The following MTUS2 variants were observed in gnomAD, a reference collection of about 807,000 sequenced individuals.
MTUS2 encodes microtubule-associated tumor suppressor candidate 2.
A neutral mutation model predicts 114.1 loss-of-function variants in MTUS2; 40 were observed. The ratio of observed to expected loss-of-function variants is 0.35; its 90% CI spans 0.27 to 0.46. The LOEUF (loss-of-function observed/expected upper bound fraction) is 0.46, where lower values mean the gene tolerates loss of function less well. Ranked by LOEUF, MTUS2 falls within the 20% of genes least tolerant of loss-of-function variation. The pLI is 1.00. For synonymous variants in MTUS2, 688 were observed against 672.0 expected (o/e 1.02, Z -0.37); for missense variants, 1,679 against 1,705.4 (o/e 0.98, Z 0.27).
At position 29,345,796 on chromosome 13, in the gene MTUS2, AGATTT is replaced by A. The variant is rs200504517; in HGVS notation, c.2906-13464_2906-13460del. The stretch of plus-strand genomic sequence containing the variant: ...ATTTGGGTAGCCTATGTCAGAGGGA[AGATTT>A]GGGGCTGAAGGGCTATTGTTCAGAT... On this transcript the variant is annotated intron_variant, in intron 7 of 15. Coordinates refer to ENST00000612955, the MANE Select transcript of MTUS2 (RefSeq NM_001033602.4). Among the ~76,000 whole-genome samples, 181 of 152,208 alleles carry A rather than the reference AGATTT, an allele frequency of 1.2e-3. 5 individuals are homozygous for A. In the East Asian group the frequency reaches 0.032, roughly 27 times the overall value.
Position 29,238,188 on chromosome 13 carries a change from A to T in MTUS2, c.2645-43516A>T, listed in dbSNP as rs530992785. ...ATGTCCATTGACAGATACGTGAATT[A>T]AAAAATATAGCATACAATGGAATGT... On this transcript the variant is annotated intron_variant, in intron 5 of 15. Transcript: ENST00000612955. Among the ~76,000 whole-genome samples the T allele has an allele frequency of 3.2e-4, 48 of 152,370 alleles. 1 individual carries two copies. The South Asian group carries it at 9.9e-3, about 32-fold the overall frequency.
At chr13:29,317,145 C>T (rs1219250415) in intron 6 of MTUS2, among the ~76,000 whole-genome samples, 1 of 152,124 alleles carries the variant, frequency 6.6e-6, no homozygotes, top group Non-Finnish European at 1.5e-5. Flanking sequence ...TTTTTCTAGG[C>T]CTCTATTTGA....
chr13:29,355,276 G>A (rs1869643594), intron 7 of MTUS2, among the ~76,000 whole-genome samples: 1 of 152,214 alleles, frequency 6.6e-6, no homozygotes, highest in Non-Finnish European at 1.5e-5. Context: ...TGCTGTAGAA[G>A]GTCACCAGCT....
intron 6 of MTUS2, among the ~76,000 whole-genome samples, chr13:29,309,093 T>C (rs1208515462): frequency 6.6e-6 from 1 of 152,194 alleles, no homozygotes. Context: ...CCCAAAGGAA[T>C]ATAAATCATT....
At chr13:29,247,602 C>A (rs1044871487) in intron 5 of MTUS2, among the ~76,000 whole-genome samples, 2 of 152,162 alleles carry the variant, frequency 1.3e-5, no homozygotes, top group Admixed American at 6.5e-5. Flanking sequence ...CATAAATAGA[C>A]AATTCCCAAA....
chr13:29,088,007 T>C (rs1266681837), intron 4 of MTUS2, among the ~76,000 whole-genome samples: 1 of 145,860 alleles, frequency 6.9e-6, no homozygotes, highest in Non-Finnish European at 1.5e-5. Flanking sequence ...TGCAGTGGGC[T>C]GAGATCATGC....
At chr13:29,042,082 G>C (rs1470321655) in intron 4 of MTUS2, among the ~76,000 whole-genome samples, 1 of 152,148 alleles carries the variant, frequency 6.6e-6, no homozygotes, top group Non-Finnish European at 1.5e-5. Context: ...TCCCCATTCA[G>C]TATAATGTTG....
At position 28,903,429 on chromosome 13, in the gene MTUS2, A is replaced by G. The variant is rs541099232; in HGVS notation, c.-243+63579A>G. Among the ~76,000 whole-genome samples the G allele has an allele frequency of 5.9e-3, 592 of 100,518 alleles. 3 individuals are homozygous for G. Among genetic ancestry groups the G allele is most frequent in the Admixed American group, 0.011 (79 of 7,438 alleles). The allele number at this position is 100,518 out of a possible 152,430, so 65.9% of individuals were successfully genotyped here. Reference sequence around the variant, plus strand: ...CCCTCCCCCCTCCCCCCACCCCACAACAGGCCCTGGTGTGTGATGTTCCCC... The same window carrying G: ...CCCTCCCCCCTCCCCCCACCCCACAGCAGGCCCTGGTGTGTGATGTTCCCC... On this transcript the variant is annotated intron_variant, in intron 2 of 15. Transcript: ENST00000612955.
intron 8 of MTUS2, among the ~76,000 whole-genome samples, chr13:29,376,029 ATATATATATATGTG>A (rs1566164240): frequency 0.022 from 271 of 12,164 alleles, 1 homozygote; most frequent in Admixed American, 0.055. Context: ...ATGTGTGTGT[ATATATATATATGTG>A]TGTGTGTGTG....
At chr13:28,831,798 T>C (rs1471885333) in intron 1 of MTUS2, among the ~76,000 whole-genome samples, 6 of 151,196 alleles carry the variant, frequency 4.0e-5, no homozygotes, top group Non-Finnish European at 8.9e-5. Flanking sequence ...ACTCTGCTGC[T>C]CAGGCTGGAG....
intron 2 of MTUS2, among the ~76,000 whole-genome samples, chr13:28,846,925 T>A (rs1483699093): frequency 2.0e-5 from 3 of 152,230 alleles, no homozygotes; most frequent in African/African-American, 7.2e-5. Context: ...AGTGGTGTAA[T>A]CCATGTCTTA....
intron 7 of MTUS2, among the ~76,000 whole-genome samples, chr13:29,345,775 G>A (rs1868614396): frequency 6.6e-6 from 1 of 152,038 alleles, no homozygotes; most frequent in Admixed American, 6.6e-5. Context: ...TTTCTCATTT[G>A]GGTAGCCTAT....
intron 8 of MTUS2, among the ~76,000 whole-genome samples, chr13:29,369,197 C>A (rs781146848): frequency 1.3e-5 from 2 of 152,124 alleles, no homozygotes; most frequent in Admixed American, 1.3e-4. Flanking sequence ...GTAAGGACAA[C>A]CAGCTTTTCC....
At chr13:28,932,332 G>A (rs1881663807) in intron 2 of MTUS2, among the ~76,000 whole-genome samples, 1 of 152,176 alleles carries the variant, frequency 6.6e-6, no homozygotes, top group African/African-American at 2.4e-5. Context: ...TGTAAGTAAT[G>A]CAGGGATAAT....
chr13:29,294,617 G>A (rs1418268157), intron 6 of MTUS2, among the ~76,000 whole-genome samples: 1 of 152,070 alleles, frequency 6.6e-6, no homozygotes, highest in Non-Finnish European at 1.5e-5. Context: ...TTCACCAAAG[G>A]GAAAAAGCTC....
intron 5 of MTUS2, among the ~76,000 whole-genome samples, chr13:29,186,055 TA>T (rs999151236): frequency 6.6e-6 from 1 of 151,830 alleles, no homozygotes; most frequent in African/African-American, 2.4e-5. Flanking sequence ...TGCTAAAAGT[TA>T]AAAAAAACTT....
intron 7 of MTUS2, among the ~76,000 whole-genome samples, chr13:29,340,218 C>T (rs899541207): frequency 1.3e-5 from 2 of 152,188 alleles, no homozygotes; most frequent in Non-Finnish European, 2.9e-5. Flanking sequence ...AAGCCTCCCT[C>T]CTTCCCACTG....
chr13:29,038,772 T>G lies in MTUS2; in HGVS notation c.2446+4647T>G, dbSNP rs897654518. On this transcript the variant is annotated intron_variant, in intron 4 of 15. Transcript: ENST00000612955. ...GGAGGAATCTAGAGAGGCAGTCTGG[T>G]TACAGCCACTTTGGGGTGCTGCGGT... Among the ~76,000 whole-genome samples, 4 of 152,336 alleles carry G rather than the reference T, an allele frequency of 2.6e-5. No individual in the cohort carries two copies. The South Asian group carries it at 8.3e-4, about 32-fold the overall frequency.
intron 8 of MTUS2, among the ~76,000 whole-genome samples, chr13:29,404,327 G>A (rs1874592679): frequency 6.6e-6 from 1 of 152,082 alleles, no homozygotes; most frequent in Admixed American, 6.6e-5. Context: ...ACTCCAGTGT[G>A]AGTAATAGAG....
Sources: allele counts gnomAD v4.1 joint callset (sites outside exome capture counted in the v4.1 genomes callset), GRCh38; gene constraint gnomAD v4.1.1; transcripts MANE v1.5; gene names NCBI Gene and HGNC (gene_info 2026-07-23, HGNC 2026-07-21).